ERC2: variants seen among roughly 807,000 people sequenced by gnomAD.
ERC2 encodes ERC protein 2.
ERC2 carries 42 observed loss-of-function variants against 114.8 expected under a neutral mutation model. The ratio of observed to expected loss-of-function variants is 0.37; its 90% CI spans 0.29 to 0.47. ERC2 has a LOEUF of 0.47. Among genes scored for constraint, ERC2 ranks in the 20% least tolerant of loss-of-function variants. The pLI, the probability that ERC2 is intolerant of heterozygous loss-of-function variation, is 0.99. For synonymous variants in ERC2, 454 were observed against 425.5 expected, an observed-to-expected ratio of 1.07 and a Z score of -0.82; for missense variants, 939 against 1,150.7, an observed-to-expected ratio of 0.82 and a Z score of 2.66.
chr3:55,912,663 A>G (rs928839264), intron 13 of ERC2, among the ~76,000 whole-genome samples: 1 of 152,178 alleles, frequency 6.6e-6, no homozygotes. Flanking sequence ...GGAAAGAAAT[A>G]TATCAGGGAA....
In ERC2 at chr3:56,080,886, G is replaced by A. The variant is rs760599221; in HGVS notation, c.1572C>T (p.Ala524=). The A allele has an allele frequency of 1.5e-5, 24 of 1,613,392 alleles. No homozygotes were observed. The highest frequency in any genetic ancestry group is 1.6e-4 in the Middle Eastern group (1 of 6,082). The change falls in exon 7 of 18, where the codon GCC becomes GCT. Residue 524 remains alanine, a synonymous_variant. Transcript: ENST00000288221. ...TATCTTTCATGTCACGAATTTCACC[G>A]GCCAGTGTCCCCTTCTCTTCTGTGA... ...QDLTEEKGTL[A]GEIRDMKDML...
At chr3:56,341,484 T>G (rs1426354207) in intron 2 of ERC2, among the ~76,000 whole-genome samples, 2 of 152,116 alleles carry the variant, frequency 1.3e-5, no homozygotes, top group African/African-American at 4.8e-5. Context: ...CAGAACTACC[T>G]GTTGGGATGA....
At chr3:55,748,147 T>C (rs1260865429) in intron 14 of ERC2, among the ~76,000 whole-genome samples, 2 of 152,216 alleles carry the variant, frequency 1.3e-5, no homozygotes. Flanking sequence ...GGTGGCCTTG[T>C]GGCTCACAGA....
intron 2 of ERC2, among the ~76,000 whole-genome samples, chr3:56,343,188 T>A (rs62255869): frequency 2.5e-3 from 77 of 31,378 alleles, no homozygotes; most frequent in Admixed American, 3.3e-3. Flanking sequence ...TCTCTCTCTC[T>A]CTCTCACACA....
At chr3:56,033,030 CAGAAAGAAAGAAAGAA>C (rs71099612) in intron 7 of ERC2, among the ~76,000 whole-genome samples, 1,059 of 65,278 alleles carry the variant, frequency 0.016, 59 homozygotes, top group South Asian at 0.034. Flanking sequence ...AAAAAAGAAA[CAGAAAGAAAGAAAGAA>C]AGAAAGAAAG....
At chr3:56,130,710 C>T (rs2080153454) in intron 6 of ERC2, among the ~76,000 whole-genome samples, 1 of 152,168 alleles carries the variant, frequency 6.6e-6, no homozygotes, top group African/African-American at 2.4e-5. Context: ...TGCTCCCTTC[C>T]ATCACATTTC....
At chr3:55,529,146 C>A (rs1285375256) in intron 17 of ERC2, among the ~76,000 whole-genome samples, 3 of 152,206 alleles carry the variant, frequency 2.0e-5, no homozygotes, top group African/African-American at 7.2e-5. Flanking sequence ...ACTATCAATG[C>A]ATATCCACCC....
At chr3:55,928,516 C>A (rs908109365) in intron 13 of ERC2, among the ~76,000 whole-genome samples, 1 of 151,876 alleles carries the variant, frequency 6.6e-6, no homozygotes, top group Admixed American at 6.6e-5. Flanking sequence ...GTTATCAATC[C>A]CTTTTCAGAT....
In ERC2 at chr3:56,378,801, C is replaced by G. The variant is rs919470413; in HGVS notation, c.657+55550G>C. On this transcript the variant is annotated intron_variant, in intron 2 of 17. Coordinates refer to ENST00000288221, the MANE Select transcript of ERC2 (RefSeq NM_015576.3). ...GACTATACCAGCAGTGTGCCAGAAACAGTTAAGGGACACCTCCACTGCAAC... is the reference window on the plus strand; with the variant it reads ...GACTATACCAGCAGTGTGCCAGAAAGAGTTAAGGGACACCTCCACTGCAAC... Among the ~76,000 whole-genome samples, 5 of 152,262 alleles carry G rather than the reference C, an allele frequency of 3.3e-5. No homozygotes were observed. In the East Asian group the frequency reaches 5.8e-4, roughly 18 times the overall value.
chr3:55,596,016 G>A (rs1193753792), intron 17 of ERC2, among the ~76,000 whole-genome samples: 2 of 152,182 alleles, frequency 1.3e-5, no homozygotes, highest in Admixed American at 1.3e-4. Flanking sequence ...AACCTAAGGT[G>A]ATCCATTAAA....
intron 2 of ERC2, among the ~76,000 whole-genome samples, chr3:56,414,800 C>A (rs986168117): frequency 6.6e-6 from 1 of 152,050 alleles, no homozygotes; most frequent in East Asian, 1.9e-4. Context: ...CTCTGTCTCT[C>A]CCCCCAGGTA....
At chr3:56,311,255 C>CTATATATATATATATA (rs67320179) in intron 2 of ERC2, among the ~76,000 whole-genome samples, 1 of 79,054 alleles carries the variant, frequency 1.3e-5, no homozygotes, top group Non-Finnish European at 2.3e-5. Context: ...CTCTCTCTCT[C>CTATATATATATATATA]TATATATATA....
At chr3:56,156,838 T>G (rs1397412038) in intron 4 of ERC2, among the ~76,000 whole-genome samples, 2 of 152,154 alleles carry the variant, frequency 1.3e-5, no homozygotes, top group East Asian at 1.9e-4. Flanking sequence ...AAAAAACTAC[T>G]GATGACTTAG....
intron 13 of ERC2, among the ~76,000 whole-genome samples, chr3:55,891,816 A>G (rs1457624521): frequency 6.6e-6 from 1 of 152,176 alleles, no homozygotes; most frequent in Admixed American, 6.5e-5. Context: ...AGTGCTTGTT[A>G]TTCTTGCGGT....
intron 3 of ERC2, among the ~76,000 whole-genome samples, chr3:56,191,860 C>CCA (rs139975277): frequency 4.0e-5 from 6 of 151,352 alleles, no homozygotes; most frequent in Middle Eastern, 3.4e-3. Context: ...GCTGCACAGG[C>CCA]CACACACACA....
intron 2 of ERC2, among the ~76,000 whole-genome samples, chr3:56,373,177 G>A (rs1262642487): frequency 6.6e-6 from 1 of 152,142 alleles, no homozygotes; most frequent in African/African-American, 2.4e-5. Flanking sequence ...CACCAAGACA[G>A]CATTTTATCA....
intron 17 of ERC2, among the ~76,000 whole-genome samples, chr3:55,662,412 T>C (rs2061177442): frequency 6.6e-6 from 1 of 152,228 alleles, no homozygotes; most frequent in Admixed American, 6.5e-5. Context: ...GGTAGGTCTA[T>C]ATATATTGAA....
chr3:55,567,801 G>C (rs1169166051), intron 17 of ERC2, among the ~76,000 whole-genome samples: 2 of 152,168 alleles, frequency 1.3e-5, no homozygotes, highest in African/African-American at 4.8e-5. Context: ...CATGAAGCCA[G>C]GGGGAGGGAT....
intron 15 of ERC2, among the ~76,000 whole-genome samples, chr3:55,711,714 C>T (rs994959850): frequency 6.6e-6 from 1 of 152,190 alleles, no homozygotes; most frequent in African/African-American, 2.4e-5. Flanking sequence ...GCATTTGGGT[C>T]ATTTCCAGCT....
Sources: allele counts gnomAD v4.1 joint callset (sites outside exome capture counted in the v4.1 genomes callset), GRCh38; gene constraint gnomAD v4.1.1; transcripts MANE v1.5; gene names NCBI Gene and HGNC (gene_info 2026-07-23, HGNC 2026-07-21).